The following HEATR9 variants were observed in gnomAD, a reference collection of about 807,000 sequenced individuals.
HEATR9 encodes protein HEATR9.
Under a neutral mutation model 68.2 loss-of-function variants are expected in HEATR9, and 54 were observed. The observed-to-expected ratio is 0.79, with a 90% CI of 0.64 to 0.99. The LOEUF is 0.99. HEATR9 is among the 50% of genes least tolerant of loss of function. HEATR9 has a pLI of 0.00. For synonymous variants in HEATR9, 241 were observed against 253.5 expected (o/e 0.95, Z 0.47); for missense variants, 662 against 679.7 (o/e 0.97, Z 0.29).
rs765618013 is a variant in HEATR9 at position 35,855,066 on chromosome 17, T to C, written c.1710A>G (p.Lys570=). 7 of 1,610,472 alleles carry C rather than the reference T, an allele frequency of 4.3e-6. No individual in the cohort carries two copies. The highest frequency in any genetic ancestry group is 1.7e-5 in the Admixed American group (1 of 59,160). ...KQLRVLAEIA[K] ...GGAGTAGGCCCAAAGAATTGACTTA[T>C]TTGGCAATTTCAGCAAGGACCCGGA... Residue 570 remains lysine, a synonymous_variant, in exon 15 of 15, where the codon AAA becomes AAG. Transcript: ENST00000604834.
intron 8 of HEATR9, chr17:35,860,982 G>A: frequency 1.8e-6 from 1 of 544,286 alleles, no homozygotes. Context: ...GGAGGCCGAG[G>A]TTGCAGTGAG....
At chr17:35,864,212 T>C in intron 6 of HEATR9, 34 bp downstream of exon 6, 1 of 1,578,220 alleles carries the variant, frequency 6.3e-7, no homozygotes, top group South Asian at 1.1e-5. Context: ...CCCTGTTTCC[T>C]TCTTTCCTGA....
At chr17:35,855,823 C>T in intron 13 of HEATR9, 73 bp from the exon 14 acceptor site, 1 of 1,278,244 alleles carries the variant, frequency 7.8e-7, no homozygotes, top group South Asian at 1.2e-5. Flanking sequence ...CCCATTCTAG[C>T]CCCTTTGTGA....
intron 8 of HEATR9, chr17:35,861,563 G>T: frequency 5.2e-6 from 4 of 767,194 alleles, no homozygotes; most frequent in Non-Finnish European, 9.3e-6. Context: ...TTCTTGATAC[G>T]CATGTTGAAC....
At chr17:35,863,885 G>A in intron 6 of HEATR9, 1 of 540,434 alleles carries the variant, frequency 1.9e-6, no homozygotes, top group Non-Finnish European at 3.3e-6. Context: ...AGTTAAATGA[G>A]ATTATGGATA....
In HEATR9 at chr17:35,863,138, G is replaced by A; in HGVS notation, c.626-13C>T. On this transcript the variant is annotated splice_polypyrimidine_tract_variant and intron_variant, in intron 7 of 14. Transcript: ENST00000604834. ...TTATTCAGGCAACCTGGACAGGGAG[G>A]GGCCTCAAGTCAGGGCAGAGCCTCT... The A allele has an allele frequency of 6.2e-7, 1 of 1,613,502 alleles. No individual in the cohort carries two copies. The highest frequency in any genetic ancestry group is 8.5e-7 in the Non-Finnish European group (1 of 1,180,008).
chr17:35,859,154 C>T, intron 8 of HEATR9, 84 bp from the exon 9 acceptor site: 7 of 1,187,970 alleles, frequency 5.9e-6, no homozygotes, highest in Non-Finnish European at 8.5e-6. Context: ...TCACCTTCCT[C>T]CCTAAAATGA....
At chr17:35,866,663 A>G (rs1051717274) in intron 2 of HEATR9, 61 bp downstream of exon 2, 5 of 1,467,640 alleles carry the variant, frequency 3.4e-6, no homozygotes, top group Middle Eastern at 3.5e-4. Context: ...GGGAAGGGAT[A>G]GTTTGCTGCC....
intron 11 of HEATR9, among the ~76,000 whole-genome samples, chr17:35,857,980 A>G (rs2087836934): frequency 6.6e-6 from 1 of 152,152 alleles, no homozygotes. Context: ...AGTATGAGAC[A>G]GTTTTTTACC....
rs753294007 is a variant in HEATR9, at chr17:35,856,168, C to T, written c.1278+5G>A. Reference sequence around the variant, plus strand: ...ATTGGGTCAGAGAAGCAGAGCCTGCCTTACCAAAGAGATGACTGCTTCCTG... The same window carrying T: ...ATTGGGTCAGAGAAGCAGAGCCTGCTTTACCAAAGAGATGACTGCTTCCTG... On this transcript the variant is annotated splice_donor_5th_base_variant and intron_variant, in intron 13 of 14. Transcript: ENST00000604834. 2.2e-5 allele frequency: 36 copies of T among 1,613,834 alleles called. No homozygotes were observed. The East Asian group carries it at 2.7e-4, about 12-fold the overall frequency.
intron 8 of HEATR9, 86 bp from the exon 9 acceptor site, chr17:35,859,156 CTA>C: frequency 8.5e-7 from 1 of 1,176,292 alleles, no homozygotes; most frequent in Non-Finnish European, 1.2e-6. Flanking sequence ...ACCTTCCTCC[CTA>C]AAATGAATCT....
intron 14 of HEATR9, 23 bp downstream of exon 14, chr17:35,855,641 G>A: frequency 6.2e-7 from 1 of 1,604,928 alleles, no homozygotes; most frequent in Non-Finnish European, 8.5e-7. Flanking sequence ...AGAGGAAGAA[G>A]TGGGCAGGAA....
chr17:35,868,479 G>A, intron 1 of HEATR9, 176 bp downstream of exon 1: 1 of 1,200,488 alleles, frequency 8.3e-7, no homozygotes, highest in Non-Finnish European at 1.1e-6. Flanking sequence ...AGGCCCTGCT[G>A]AGGAGCCTGA....
chr17:35,860,474 ATTTAT>A (rs199663687), intron 8 of HEATR9, among the ~76,000 whole-genome samples: 3,597 of 111,370 alleles, frequency 0.032, 96 homozygotes, highest in East Asian at 0.12. Flanking sequence ...TTATTTATTT[ATTTAT>A]TTTATTTATT....
At chr17:35,861,938 A>G (rs925253840) in intron 8 of HEATR9, among the ~76,000 whole-genome samples, 4 of 151,696 alleles carry the variant, frequency 2.6e-5, no homozygotes. Flanking sequence ...GGCTCACTGC[A>G]ACCTCTGCCT....
At position 35,868,820 on chromosome 17, in the gene HEATR9, G is replaced by A; in HGVS notation, c.-78C>T. 1 of 1,287,308 alleles carries A rather than the reference G, an allele frequency of 7.8e-7. No individual in the cohort carries two copies. Among genetic ancestry groups the A allele is most frequent in the Non-Finnish European group, 1.1e-6 (1 of 893,490 alleles). The allele number at this position is 1,287,308 out of a possible 1,614,324, so 79.7% of individuals were successfully genotyped here. A position where few individuals can be genotyped will look rare whatever the true frequency, so the allele number is the denominator to read the frequency against. On this transcript the variant is annotated 5_prime_UTR_variant, in exon 1 of 15. Transcript: ENST00000604834. ...TTAGGGGAGTGGGGGCACAGCTGGA[G>A]GAGACCTGTCCTCTGTGGTACGAGA...
At chr17:35,856,901 A>T in intron 11 of HEATR9, 96 bp from the exon 12 acceptor site, 3 of 1,147,890 alleles carry the variant, frequency 2.6e-6, no homozygotes, top group Non-Finnish European at 3.8e-6. Context: ...CCTTTGTGCT[A>T]TGTAGAGTCC....
chr17:35,867,580 G>A (rs1396550596), intron 1 of HEATR9, among the ~76,000 whole-genome samples: 5 of 151,958 alleles, frequency 3.3e-5, no homozygotes, highest in Non-Finnish European at 7.4e-5. Context: ...AGGCCAAAGC[G>A]GGCAGATTGC....
In HEATR9 at chr17:35,855,190, C is replaced by T. The variant is rs770708455; in HGVS notation, c.1586G>A (p.Gly529Asp). Residue 529 changes from glycine (G) to aspartate (D), a missense_variant, in exon 15 of 15, where the codon GGC becomes GAC. By Grantham distance (94) the Gly-to-Asp change is moderately conservative. Coordinates refer to ENST00000604834, the MANE Select transcript of HEATR9 (RefSeq NM_152781.4). ...TGGGAAAGCAGGCGTTTTCTTTTGG[C>T]CTACTTTGGTGATGGACTTTGCAAT... ...LFIAKSITKV[G>D]QKKTPAFPPC... 1 of 1,614,078 alleles carries T rather than the reference C, an allele frequency of 6.2e-7. No individual in the cohort carries two copies. The highest frequency in any genetic ancestry group is 2.2e-5 in the East Asian group (1 of 44,880).
Sources: allele counts gnomAD v4.1 joint callset (sites outside exome capture counted in the v4.1 genomes callset), GRCh38; gene constraint gnomAD v4.1.1; transcripts MANE v1.5; gene names NCBI Gene and HGNC (gene_info 2026-07-23, HGNC 2026-07-21).